The following TUT4 variants were observed in gnomAD, a reference collection of about 807,000 sequenced individuals.
TUT4 encodes the protein terminal uridylyltransferase 4.
TUT4 carries 36 observed loss-of-function variants against 192.2 expected under a neutral mutation model. That is an observed-to-expected ratio of 0.19 (90% CI 0.14 to 0.25). The LOEUF (loss-of-function observed/expected upper bound fraction) is 0.25, where lower values mean the gene tolerates loss of function less well. Among genes scored for constraint, TUT4 ranks in the 10% least tolerant of loss-of-function variants. The pLI is 1.00. For missense variants in TUT4, 1,493 were observed against 1,957.2 expected, an observed-to-expected ratio of 0.76 and a Z score of 4.47; for synonymous variants, 618 against 666.0, an observed-to-expected ratio of 0.93 and a Z score of 1.11.
At chr1:52,553,281 C>T (rs1286816803), upstream of TUT4, among the ~76,000 whole-genome samples, 1 of 143,702 alleles carries the variant, frequency 7.0e-6, no homozygotes, top group Non-Finnish European at 1.5e-5. Context: ...GGGAAGGGTT[C>T]AGGGGTGCCC....
At chr1:52,439,661 C>T (rs1654908645) in intron 24 of TUT4, among the ~76,000 whole-genome samples, 1 of 152,150 alleles carries the variant, frequency 6.6e-6, no homozygotes, top group Non-Finnish European at 1.5e-5. Flanking sequence ...AAAACTAGAA[C>T]ACATATGTAT....
In TUT4 at chr1:52,475,332, T is replaced by C. The variant is rs1180182199; in HGVS notation, c.2227A>G (p.Thr743Ala). The change falls in exon 13 of 30, where the codon ACC becomes GCC. Residue 743 changes from threonine (T) to alanine (A), a missense_variant. By Grantham distance (58) the Thr-to-Ala change is moderately conservative. This residue lies in a region of TUT4 where 245 missense variants were observed against 218.4 expected (regional missense o/e 1.12). Transcript: ENST00000257177. ...KKPVKSNNMA[T>A]NGCILLGETT... ...TCCCCAAGCAGAATACAACCATTGG[T>C]TGCCATATTGTTCGACTTGACTGGT... The C allele has an allele frequency of 1.2e-6, 2 of 1,614,182 alleles. No homozygotes were observed. The highest frequency in any genetic ancestry group is 1.7e-6 in the Non-Finnish European group (2 of 1,180,026).
rs1390234124 is a variant in TUT4, at chr1:52,481,481, T to C, written c.1790A>G (p.Asp597Gly). Residue 597 changes from aspartate (D) to glycine (G), a missense_variant, in exon 11 of 30, where the codon GAT becomes GGT. Physicochemically the swap from Asp to Gly is moderately conservative, Grantham distance 94. Around this residue, in one of 7 missense-constraint regions of TUT4, gnomAD observed 437 missense variants for 577.6 expected, o/e 0.76. Transcript: ENST00000257177. ...NKAKADQPKDDTKKTETDNQS... is the reference protein window; with the variant it reads ...NKAKADQPKDGTKKTETDNQS... ...GTTGTCTGTTTCTGTCTTCTTGGTA[T>C]CATCTTTTGGTTGGTCTGCCTTAGC... The C allele has an allele frequency of 1.9e-6, 3 of 1,614,062 alleles. No individual in the cohort carries two copies. Among genetic ancestry groups the C allele is most frequent in the Non-Finnish European group, 2.5e-6 (3 of 1,179,964 alleles).
chr1:52,434,153 A>T (rs1173361665), intron 27 of TUT4: 1 of 152,234 alleles, frequency 6.6e-6, no homozygotes, highest in Non-Finnish European at 1.5e-5. Context: ...TATCAAGCAC[A>T]TAATAGGTAT....
In TUT4 at chr1:52,435,413, A is replaced by G; in HGVS notation, c.4215T>C (p.Ala1405=). Residue 1405 remains alanine (A), a synonymous_variant, in exon 27 of 30, where the codon GCT becomes GCC. Coordinates refer to ENST00000257177, the MANE Select transcript of TUT4 (RefSeq NM_001009881.3). ...LVNAQQVAGS[A]QQQGDQSIRT... is the part of the protein sequence containing the mutation. Reference sequence around the variant, plus strand: ...TTATGGACTGATCACCCTGTTGCTGAGCTGAACCAGCCACCTGTTGAGCAT... The same window carrying G: ...TTATGGACTGATCACCCTGTTGCTGGGCTGAACCAGCCACCTGTTGAGCAT... 6.2e-7 allele frequency: 1 copy of G among 1,614,180 alleles called. No homozygotes were observed. The highest frequency in any genetic ancestry group is 2.2e-5 in the East Asian group (1 of 44,876).
chr1:52,512,951 A>C (rs1677616927), intron 3 of TUT4, among the ~76,000 whole-genome samples: 1 of 152,016 alleles, frequency 6.6e-6, no homozygotes, highest in South Asian at 2.1e-4. Context: ...AAATTTGATA[A>C]AGAAAAATGT....
intron 15 of TUT4, among the ~76,000 whole-genome samples, chr1:52,467,853 C>T (rs1345830325): frequency 1.3e-5 from 2 of 152,174 alleles, no homozygotes; most frequent in Non-Finnish European, 2.9e-5. Context: ...ATATAACTTG[C>T]TCCTTCATGT....
chr1:52,467,833 T>C (rs1195437641), intron 15 of TUT4, among the ~76,000 whole-genome samples: 1 of 152,220 alleles, frequency 6.6e-6, no homozygotes, highest in Non-Finnish European at 1.5e-5. Context: ...TGTTTTCTCC[T>C]TGGATATTTA....
At chr1:52,468,415 G>A in intron 14 of TUT4, 148 bp from the exon 15 acceptor site, 1 of 605,568 alleles carries the variant, frequency 1.7e-6, no homozygotes, top group Non-Finnish European at 2.7e-6. Context: ...AAATGTTACT[G>A]GGGAAGGGTC....
At chr1:52,534,092 T>C (rs1684244451) in intron 1 of TUT4, among the ~76,000 whole-genome samples, 1 of 152,246 alleles carries the variant, frequency 6.6e-6, no homozygotes, top group South Asian at 2.1e-4. Context: ...CCCTCATTCA[T>C]TCCTTGCCTA....
At chr1:52,445,156 T>G (rs1203945066) in intron 24 of TUT4, among the ~76,000 whole-genome samples, 1 of 151,918 alleles carries the variant, frequency 6.6e-6, no homozygotes, top group Non-Finnish European at 1.5e-5. Context: ...CTAAGTCTCC[T>G]GCTCTGAAGC....
chr1:52,457,812 A>C (rs1293047796), intron 20 of TUT4, among the ~76,000 whole-genome samples: 2 of 152,202 alleles, frequency 1.3e-5, no homozygotes, highest in Admixed American at 6.5e-5. Context: ...GAATGAGTAT[A>C]ATCTGTTTCT....
intron 4 of TUT4, among the ~76,000 whole-genome samples, chr1:52,506,631 A>G (rs1432110460): frequency 6.6e-6 from 1 of 152,162 alleles, no homozygotes; most frequent in East Asian, 1.9e-4. Flanking sequence ...TAGATGTCGT[A>G]GTTTTCGTTT....
chr1:52,448,536 C>A (rs1383332277), intron 20 of TUT4, among the ~76,000 whole-genome samples: 1 of 134,466 alleles, frequency 7.4e-6, no homozygotes, highest in African/African-American at 2.8e-5. Flanking sequence ...TTGCAATGAG[C>A]TGAGATTGTG....
At position 52,423,860 on chromosome 1, in the gene TUT4, A is replaced by G; in HGVS notation, c.*75T>C. ...TGCTGAATGTAACTGACATTGAGGT[A>G]CGGATACCCTTGAGACAGCAGGATT... On this transcript the variant is annotated 3_prime_UTR_variant, in exon 30 of 30. Transcript: ENST00000257177. 2 of 1,578,758 alleles carry G rather than the reference A, an allele frequency of 1.3e-6. No individual in the cohort carries two copies. The highest frequency in any genetic ancestry group is 1.7e-6 in the Non-Finnish European group (2 of 1,162,216).
chr1:52,489,895 T>C (rs1670706079), intron 8 of TUT4, among the ~76,000 whole-genome samples: 1 of 152,158 alleles, frequency 6.6e-6, no homozygotes, highest in African/African-American at 2.4e-5. Context: ...ATAATACAAG[T>C]TAATAATCAA....
In TUT4 at chr1:52,423,618, TAAACA is replaced by T; in HGVS notation, c.*312_*316del. The T allele has an allele frequency of 2.5e-6, 1 of 396,324 alleles. No homozygotes were observed. The highest frequency in any genetic ancestry group is 2.4e-5 in the South Asian group (1 of 42,120). The allele number at this position is 396,324 out of a possible 1,614,324, so 24.6% of individuals were successfully genotyped here. On this transcript the variant is annotated 3_prime_UTR_variant, in exon 30 of 30. Transcript: ENST00000257177. ...CTCTCTTTATACAATTCATCAAGGT[TAAACA>T]AAACATAAAATTCCCTTAAAAATAG...
At chr1:52,438,481 G>A in intron 24 of TUT4, 146 bp from the exon 25 acceptor site, 1 of 595,406 alleles carries the variant, frequency 1.7e-6, no homozygotes, top group Non-Finnish European at 2.9e-6. Flanking sequence ...CCCAAGATAT[G>A]AAAATAAGAT....
intron 3 of TUT4, among the ~76,000 whole-genome samples, chr1:52,509,943 C>T (rs946756977): frequency 1.3e-4 from 20 of 152,080 alleles, no homozygotes; most frequent in African/African-American, 3.4e-4. Flanking sequence ...AACTTTAATA[C>T]GATATCTAAC....
Sources: allele counts gnomAD v4.1 joint callset (sites outside exome capture counted in the v4.1 genomes callset), GRCh38; gene constraint gnomAD v4.1.1; regional missense constraint gnomAD v4.1.1; transcripts MANE v1.5; gene names NCBI Gene and HGNC (gene_info 2026-07-23, HGNC 2026-07-21).